Variants in PURG observed in about 807,000 individuals in gnomAD.
PURG encodes the protein purine rich element binding protein G, also known as purine-rich element-binding protein gamma.
A neutral mutation model predicts 24.3 loss-of-function variants in PURG; 3 were observed. The ratio of observed to expected loss-of-function variants is 0.12; its 90% CI spans 0.06 to 0.32. The LOEUF is 0.32. Ranked by LOEUF, PURG falls within the 10% of genes least tolerant of loss-of-function variation. The probability of loss-of-function intolerance (pLI) is 1.00; values close to 1 mark genes in which losing one functional copy is unlikely to be tolerated. For missense variants in PURG, 371 were observed against 439.1 expected, an observed-to-expected ratio of 0.84 and a Z score of 1.39; for synonymous variants, 180 against 173.1, an observed-to-expected ratio of 1.04 and a Z score of -0.31.
At chr8:30,997,596 A>G (rs191797294) in intron 1 of PURG, among the ~76,000 whole-genome samples, 4 of 151,832 alleles carry the variant, frequency 2.6e-5, no homozygotes, top group African/African-American at 4.8e-5. Flanking sequence ...TGGCCACCAC[A>G]GAGAATGACT....
chr8:31,014,213 G>A (rs957399752), intron 1 of PURG, among the ~76,000 whole-genome samples: 1 of 152,136 alleles, frequency 6.6e-6, no homozygotes, highest in African/African-American at 2.4e-5. Context: ...TTCATGAAAC[G>A]AAGACTTAGT....
At chr8:31,014,073 T>C (rs1810810552) in intron 1 of PURG, among the ~76,000 whole-genome samples, 1 of 152,158 alleles carries the variant, frequency 6.6e-6, no homozygotes. Flanking sequence ...GATTCAATAA[T>C]ACCAATATGT....
chr8:31,022,914 T>G (rs1217346896), intron 1 of PURG, among the ~76,000 whole-genome samples: 3 of 152,254 alleles, frequency 2.0e-5, no homozygotes, highest in Non-Finnish European at 2.9e-5. Flanking sequence ...TCCTTACTCC[T>G]ACATCATTTT....
At chr8:31,001,272 A>G (rs1312748066) in intron 1 of PURG, among the ~76,000 whole-genome samples, 1 of 152,242 alleles carries the variant, frequency 6.6e-6, no homozygotes, top group Non-Finnish European at 1.5e-5. Flanking sequence ...TATCGTTGAC[A>G]TAAATACTGA....
At chr8:31,020,252 G>A (rs1266512010) in intron 1 of PURG, among the ~76,000 whole-genome samples, 1 of 152,154 alleles carries the variant, frequency 6.6e-6, no homozygotes, top group Non-Finnish European at 1.5e-5. Flanking sequence ...TATATCTTGA[G>A]ATAATCAGCA....
At chr8:31,008,451 G>A (rs575980990) in intron 1 of PURG, among the ~76,000 whole-genome samples, 73 of 152,138 alleles carry the variant, frequency 4.8e-4, no homozygotes, top group African/African-American at 1.6e-3. Context: ...TTACAGCTGC[G>A]TGCCACCACG....
chr8:31,017,264 C>T (rs1466770471), intron 1 of PURG, among the ~76,000 whole-genome samples: 1 of 152,094 alleles, frequency 6.6e-6, no homozygotes, highest in Non-Finnish European at 1.5e-5. Flanking sequence ...AACCCATTTA[C>T]CACTACTTCT....
intron 1 of PURG, among the ~76,000 whole-genome samples, chr8:31,011,950 T>C (rs564474058): frequency 6.6e-6 from 1 of 152,102 alleles, no homozygotes; most frequent in Non-Finnish European, 1.5e-5. Flanking sequence ...GAAATAAAGA[T>C]GACATAGCAT....
At chr8:31,016,577 G>GAAACAAAAAAAA (rs879857444) in intron 1 of PURG, among the ~76,000 whole-genome samples, 2 of 37,330 alleles carry the variant, frequency 5.4e-5, no homozygotes, top group Non-Finnish European at 5.2e-5. Flanking sequence ...AGTCTACCAA[G>GAAACAAAAAAAA]AACCAAAAAA....
At chr8:30,996,710 T>A (rs766310472) in intron 1 of PURG, 5 of 1,582,652 alleles carry the variant, frequency 3.2e-6, no homozygotes, top group Non-Finnish European at 4.3e-6. Context: ...AAAGAAAAAA[T>A]ATTAATTTGA....
intron 1 of PURG, among the ~76,000 whole-genome samples, chr8:31,008,338 C>T (rs961540977): frequency 6.6e-6 from 1 of 152,228 alleles, no homozygotes; most frequent in Non-Finnish European, 1.5e-5. Flanking sequence ...TGCTCTGTTG[C>T]CCAGCCTGGA....
chr8:31,007,997 CTTATAG>C (rs1163029391), intron 1 of PURG, among the ~76,000 whole-genome samples: 1 of 151,926 alleles, frequency 6.6e-6, no homozygotes, highest in African/African-American at 2.4e-5. Flanking sequence ...GTTTTTTTCT[CTTATAG>C]TTAGTGCTTT....
chr8:31,005,493 G>A (rs535715658), intron 1 of PURG, among the ~76,000 whole-genome samples: 2 of 151,704 alleles, frequency 1.3e-5, no homozygotes, highest in East Asian at 1.9e-4. Flanking sequence ...AATTAACAGG[G>A]GATTCCAGAA....
rs1192017753 is a variant in PURG at position 31,031,587 on chromosome 8, A to T, written c.*152T>A. ...TATAGTGATCTATGTGTAACATAACATGAGAATCAGACTTCCTGAAGTATC... is the reference window on the plus strand; with the variant it reads ...TATAGTGATCTATGTGTAACATAACTTGAGAATCAGACTTCCTGAAGTATC... On this transcript the variant is annotated 3_prime_UTR_variant, in exon 2 of 2. Coordinates refer to ENST00000523392, the MANE Select transcript of PURG (RefSeq NM_001323311.2). The T allele has an allele frequency of 1.4e-6, 1 of 690,302 alleles. No homozygotes were observed. Among genetic ancestry groups the T allele is most frequent in the East Asian group, 2.7e-5 (1 of 36,962 alleles). 42.8% of individuals were successfully genotyped at this position (690,302 alleles called of 1,614,324 possible).
intron 1 of PURG, chr8:30,996,702 A>T: frequency 1.3e-6 from 2 of 1,597,904 alleles, no homozygotes; most frequent in Non-Finnish European, 1.7e-6. Flanking sequence ...TGTGAGCTAA[A>T]GAAAAAATAT....
chr8:31,019,802 A>T (rs1193341027), intron 1 of PURG, among the ~76,000 whole-genome samples: 1 of 146,740 alleles, frequency 6.8e-6, no homozygotes, highest in Non-Finnish European at 1.5e-5. Flanking sequence ...AAGTGCTGGG[A>T]GTACAGGCGT....
At chr8:31,015,159 C>A (rs1482898641) in intron 1 of PURG, among the ~76,000 whole-genome samples, 1 of 151,968 alleles carries the variant, frequency 6.6e-6, no homozygotes, top group African/African-American at 2.4e-5. Context: ...GCCAGGCTTG[C>A]GGGGGAAAGG....
intron 1 of PURG, among the ~76,000 whole-genome samples, chr8:31,008,339 C>T (rs1485562183): frequency 2.2e-4 from 34 of 152,194 alleles, no homozygotes; most frequent in Admixed American, 2.2e-3. Flanking sequence ...GCTCTGTTGC[C>T]CAGCCTGGAG....
chr8:31,008,276 C>T (rs573044057), intron 1 of PURG, among the ~76,000 whole-genome samples: 6 of 152,292 alleles, frequency 3.9e-5, no homozygotes, highest in African/African-American at 1.4e-4. Flanking sequence ...ATTTCGTTAA[C>T]AGCCTTATGT....
Sources: gnomAD v4.1 joint callset for allele counts (sites outside exome capture counted in the v4.1 genomes callset) on GRCh38, gnomAD v4.1.1 for gene constraint, MANE v1.5 for transcripts, NCBI Gene and HGNC (gene_info 2026-07-23, HGNC 2026-07-21) for gene names.